DIS3L2: variants seen among roughly 807,000 people sequenced by gnomAD.
The protein encoded by DIS3L2 is DIS3-like exonuclease 2.
In DIS3L2, 34 loss-of-function variants were observed where a neutral mutation model predicts 97.5. That is an observed-to-expected ratio of 0.35 (90% CI 0.27 to 0.46). DIS3L2 has a LOEUF of 0.46. Among genes scored for constraint, DIS3L2 ranks in the 20% least tolerant of loss-of-function variants. DIS3L2 has a pLI of 1.00. For synonymous variants in DIS3L2, 435 were observed against 445.2 expected, an observed-to-expected ratio of 0.98 and a Z score of 0.29; for missense variants, 1,038 against 1,146.0, an observed-to-expected ratio of 0.91 and a Z score of 1.36.
intron 1 of DIS3L2, among the ~76,000 whole-genome samples, chr2:231,979,256 ATTTATTTT>A (rs1370185772): frequency 6.6e-6 from 1 of 151,580 alleles, no homozygotes; most frequent in Admixed American, 6.6e-5. Flanking sequence ...TTTTTATTTA[ATTTATTTT>A]TTTATTTTGA....
At chr2:232,195,723 A>G (rs1691734347) in intron 9 of DIS3L2, among the ~76,000 whole-genome samples, 1 of 151,928 alleles carries the variant, frequency 6.6e-6, no homozygotes, top group Non-Finnish European at 1.5e-5. Context: ...AAGTGCTAGG[A>G]TTACAGGGAT....
chr2:232,234,927 T>C lies in DIS3L2; in HGVS notation c.1205-3606T>C, dbSNP rs144178871. Reference sequence around the variant, plus strand: ...CTTCAAGAAGATGTCAGCTTCCCACTCTTGAGGATATAGCAGGGGCCACCT... The same window carrying C: ...CTTCAAGAAGATGTCAGCTTCCCACCCTTGAGGATATAGCAGGGGCCACCT... On this transcript the variant is annotated intron_variant, in intron 10 of 20. Transcript: ENST00000325385. Among the ~76,000 whole-genome samples the C allele has an allele frequency of 3.1e-3, 467 of 152,330 alleles. 5 individuals are homozygous for C. The highest frequency in any genetic ancestry group is 0.01 in the African/African-American group (432 of 41,588).
At chr2:231,996,284 G>C (rs1245580588) in intron 1 of DIS3L2, among the ~76,000 whole-genome samples, 1 of 152,150 alleles carries the variant, frequency 6.6e-6, no homozygotes, top group Non-Finnish European at 1.5e-5. Context: ...TTTTAATACT[G>C]TCTAGCTTCC....
At position 232,329,801 on chromosome 2, in the gene DIS3L2, C is replaced by T. The variant is rs775511200; in HGVS notation, c.1740-12C>T. 2 of 1,379,272 alleles carry T rather than the reference C, an allele frequency of 1.5e-6. No individual in the cohort carries two copies. Among genetic ancestry groups the T allele is most frequent in the Non-Finnish European group, 1.9e-6 (2 of 1,053,840 alleles). 85.4% of individuals were successfully genotyped at this position (1,379,272 alleles called of 1,614,324 possible). A position where few individuals can be genotyped will look rare whatever the true frequency, so the allele number is the denominator to read the frequency against. On this transcript the variant is annotated splice_polypyrimidine_tract_variant and intron_variant, in intron 14 of 20. Transcript: ENST00000325385. The stretch of plus-strand genomic sequence containing the variant: ...CCCCAGCGGTCCCTCCCATCCCACC[C>T]ACCCTCTGCAGGCTCGTGGAGGAGT...
chr2:232,146,229 A>G (rs1690214270), intron 8 of DIS3L2, among the ~76,000 whole-genome samples: 1 of 152,194 alleles, frequency 6.6e-6, no homozygotes, highest in African/African-American at 2.4e-5. Context: ...TGTGTAGTGA[A>G]TACCTCTACA....
chr2:232,278,856 T>C (rs1389228194), intron 13 of DIS3L2, among the ~76,000 whole-genome samples: 1 of 152,244 alleles, frequency 6.6e-6, no homozygotes, highest in Admixed American at 6.5e-5. Flanking sequence ...TGGTTAAGTG[T>C]ATATTTAACT....
At chr2:232,146,598 A>T (rs1353797328) in intron 8 of DIS3L2, among the ~76,000 whole-genome samples, 1 of 152,114 alleles carries the variant, frequency 6.6e-6, no homozygotes, top group Non-Finnish European at 1.5e-5. Flanking sequence ...TGCTTTCTTG[A>T]TGACATGTGA....
chr2:232,342,612 GA>G (rs1280566133), intron 13 of DIS3L2, among the ~76,000 whole-genome samples: 1 of 152,248 alleles, frequency 6.6e-6, no homozygotes, highest in Non-Finnish European at 1.5e-5. Flanking sequence ...TAGGGTGTAT[GA>G]AAGAGTCCAC....
intron 3 of DIS3L2, 91 bp downstream of exon 3, chr2:232,015,762 C>T (rs900299946): frequency 3.8e-5 from 55 of 1,452,268 alleles, no homozygotes; most frequent in Non-Finnish European, 5.0e-5. Context: ...TATATGCTTT[C>T]AGAGAGACGA....
At chr2:232,185,306 C>G (rs1207524278) in intron 9 of DIS3L2, among the ~76,000 whole-genome samples, 1 of 152,072 alleles carries the variant, frequency 6.6e-6, no homozygotes. Context: ...AGTAAAATAT[C>G]TAGACACTTG....
intron 14 of DIS3L2, chr2:232,329,191 G>C (rs751205004): frequency 1.3e-5 from 2 of 152,442 alleles, no homozygotes; most frequent in Non-Finnish European, 2.9e-5. Context: ...CTTCCCTCCT[G>C]CTGCCTCAGA....
In DIS3L2 at chr2:232,336,879, GCC is replaced by G. The variant is rs546189825; in HGVS notation, c.*254_*255del. 1 of 1,326,754 alleles carries G rather than the reference GCC, an allele frequency of 7.5e-7. No homozygotes were observed. The highest frequency in any genetic ancestry group is 1.5e-5 in the African/African-American group (1 of 66,850). The allele number at this position is 1,326,754 out of a possible 1,614,324, so 82.2% of individuals were successfully genotyped here. A position where few individuals can be genotyped will look rare whatever the true frequency, so the allele number is the denominator to read the frequency against. On this transcript the variant is annotated 3_prime_UTR_variant, in exon 21 of 21. Transcript: ENST00000325385. ...AGGCCCCAGTCCTCCTGGGAGGCTG[GCC>G]CCCCTTTTTTCTGGGCCCTACTGCC...
intron 5 of DIS3L2, among the ~76,000 whole-genome samples, chr2:232,073,321 G>A (rs544709009): frequency 3.3e-5 from 5 of 152,276 alleles, no homozygotes; most frequent in African/African-American, 1.2e-4. Flanking sequence ...CTCTGAATCC[G>A]AGGCTCAGGT....
chr2:231,999,205 A>G (rs1257600068), intron 1 of DIS3L2, among the ~76,000 whole-genome samples: 1 of 152,200 alleles, frequency 6.6e-6, no homozygotes, highest in African/African-American at 2.4e-5. Flanking sequence ...TGCACTATGC[A>G]TAGTTTGCCA....
rs918006252 is a variant in DIS3L2, at chr2:232,087,547, G to A, written c.427G>A (p.Glu143Lys). 1.2e-6 allele frequency: 2 copies of A among 1,613,854 alleles called. No individual in the cohort carries two copies. The highest frequency in any genetic ancestry group is 1.7e-6 in the Non-Finnish European group (2 of 1,179,982). Reference sequence around the variant, plus strand: ...AGCTGCGTATGAATCAGATATCCCCGAGGAGCTCTGTGGACACCATCTCCC... The same window carrying A: ...AGCTGCGTATGAATCAGATATCCCCAAGGAGCTCTGTGGACACCATCTCCC... ...TEAAYESDIP[E>K]ELCGHHLPQQ... is the part of the protein sequence containing the mutation. Residue 143 changes from glutamate (E) to lysine (K), a missense_variant, in exon 6 of 21, where the codon GAG becomes AAG. Physicochemically the swap from Glu to Lys is moderately conservative, Grantham distance 56. This residue lies in a region of DIS3L2 where 813 missense variants were observed against 880.1 expected (regional missense o/e 0.92). Transcript: ENST00000325385.
intron 1 of DIS3L2, among the ~76,000 whole-genome samples, chr2:232,009,841 T>C (rs576340980): frequency 3.7e-4 from 57 of 152,366 alleles, no homozygotes; most frequent in African/African-American, 1.1e-3. Flanking sequence ...TGCTGATCTG[T>C]TGCTTGCGCT....
At chr2:232,133,873 A>G (rs1419916832) in intron 7 of DIS3L2, among the ~76,000 whole-genome samples, 1 of 151,048 alleles carries the variant, frequency 6.6e-6, no homozygotes, top group Non-Finnish European at 1.5e-5. Context: ...CTGTAATCCC[A>G]GCTACTGGGG....
intron 13 of DIS3L2, among the ~76,000 whole-genome samples, chr2:232,287,385 CGCG>C (rs140315137): frequency 0.013 from 315 of 23,380 alleles, no homozygotes; most frequent in Non-Finnish European, 0.021. Context: ...TCCTTCCCCC[CGCG>C]CCCCCCCCCC....
rs189786579 is a variant in DIS3L2 at position 232,018,942 on chromosome 2, G to A, written c.210+3271G>A. Reference sequence around the variant, plus strand: ...TTTCATTTCTCTCTTCATAGGTAGAGTACTGAGAGGTTGTTATAGGAGATG... The same window carrying A: ...TTTCATTTCTCTCTTCATAGGTAGAATACTGAGAGGTTGTTATAGGAGATG... On this transcript the variant is annotated intron_variant, in intron 3 of 20. Transcript: ENST00000325385. Among the ~76,000 whole-genome samples the A allele has an allele frequency of 1.2e-3, 180 of 152,252 alleles. 3 individuals are homozygous for A. Among genetic ancestry groups the A allele is most frequent in the African/African-American group, 4.1e-3 (171 of 41,552 alleles).
Sources: gnomAD v4.1 joint callset for allele counts (sites outside exome capture counted in the v4.1 genomes callset) on GRCh38, gnomAD v4.1.1 for gene constraint, gnomAD v4.1.1 regional missense constraint, MANE v1.5 for transcripts, NCBI Gene and HGNC (gene_info 2026-07-23, HGNC 2026-07-21) for gene names.